The following ADAP1 variants were observed in gnomAD, a reference collection of about 807,000 sequenced individuals.
The protein encoded by ADAP1 is arf-GAP with dual PH domain-containing protein 1.
A neutral mutation model predicts 54.9 loss-of-function variants in ADAP1; 31 were observed. The observed-to-expected ratio is 0.56, with a 90% CI of 0.42 to 0.76. The LOEUF is 0.76. Among genes scored for constraint, ADAP1 ranks in the 30% least tolerant of loss-of-function variants. The pLI is 0.00. For synonymous variants in ADAP1, 313 were observed against 202.6 expected, an observed-to-expected ratio of 1.55 and a Z score of -4.63; for missense variants, 535 against 512.4, an observed-to-expected ratio of 1.04 and a Z score of -0.42.
chr7:951,908 C>G (rs1390787063), intron 1 of ADAP1, among the ~76,000 whole-genome samples: 4 of 152,182 alleles, frequency 2.6e-5, no homozygotes, highest in Non-Finnish European at 4.4e-5. Flanking sequence ...CTCAAGCGAT[C>G]CTCCGGCCTC....
At chr7:909,156 G>C (rs912269971) in intron 4 of ADAP1, among the ~76,000 whole-genome samples, 2 of 143,972 alleles carry the variant, frequency 1.4e-5, no homozygotes, top group African/African-American at 5.1e-5. Context: ...CGGGAACCCC[G>C]GTCCTCCCGA....
At chr7:922,713 C>T (rs79910857) in intron 3 of ADAP1, among the ~76,000 whole-genome samples, 2,142 of 152,218 alleles carry the variant, frequency 0.014, 50 homozygotes, top group African/African-American at 0.049. Context: ...CCAGGGCCCC[C>T]GGCTTTGCTT....
rs1033538304 is a variant in ADAP1 at position 898,725 on chromosome 7, A to G, written c.*196T>C. ...CATGACGGGGTTAGAGATCAGGCCCAGGGCCTGGGCTGCCTGCCTTGAGGT... is the reference window on the plus strand; with the variant it reads ...CATGACGGGGTTAGAGATCAGGCCCGGGGCCTGGGCTGCCTGCCTTGAGGT... On this transcript the variant is annotated 3_prime_UTR_variant, in exon 11 of 11. Transcript: ENST00000265846. 38 of 682,932 alleles carry G rather than the reference A, an allele frequency of 5.6e-5. No individual in the cohort carries two copies. Among genetic ancestry groups the G allele is most frequent in the Non-Finnish European group, 8.7e-5 (35 of 402,280 alleles). 42.3% of individuals were successfully genotyped at this position (682,932 alleles called of 1,614,324 possible).
chr7:906,737 CAGAGTACATAG>C lies in ADAP1; in HGVS notation c.389-1576_389-1566del, dbSNP rs1845445948. On this transcript the variant is annotated intron_variant, in intron 4 of 10. Coordinates refer to ENST00000265846, the MANE Select transcript of ADAP1 (RefSeq NM_006869.4). ...GACATCGGGGACGGGACATGGGGGA[CAGAGTACATAG>C]GGGACATGGACAGGGGACATGGGGG... Among the ~76,000 whole-genome samples the C allele has an allele frequency of 4.0e-4, 15 of 37,324 alleles. 1 individual carries two copies. Among genetic ancestry groups the C allele is most frequent in the East Asian group, 2.4e-3 (2 of 832 alleles). The allele number at this position is 37,324 out of a possible 152,430, so 24.5% of individuals were successfully genotyped here.
chr7:919,524 G>A (rs1846076371), intron 4 of ADAP1, among the ~76,000 whole-genome samples: 1 of 147,512 alleles, frequency 6.8e-6, no homozygotes, highest in South Asian at 2.2e-4. Flanking sequence ...CCACACGAGA[G>A]GGAGGGAGGG....
intron 6 of ADAP1, among the ~76,000 whole-genome samples, chr7:902,572 G>C (rs1244660363): frequency 6.6e-6 from 1 of 151,626 alleles, no homozygotes; most frequent in African/African-American, 2.4e-5. Context: ...CACAGTGTTG[G>C]AGACAAAGTT....
At position 900,514 on chromosome 7, in the gene ADAP1, C is replaced by T; in HGVS notation, c.732+19G>A. On this transcript the variant is annotated intron_variant, in intron 7 of 10. Coordinates refer to ENST00000265846, the MANE Select transcript of ADAP1 (RefSeq NM_006869.4). ...CCACCCCTGTCTGCCCTGGAGCTGA[C>T]CGCAGGGCCGCCACTCACATCTGCG... 6.3e-7 allele frequency: 1 copy of T among 1,582,148 alleles called. No homozygotes were observed. The highest frequency in any genetic ancestry group is 8.6e-7 in the Non-Finnish European group (1 of 1,161,480).
At position 914,672 on chromosome 7, in the gene ADAP1, C is replaced by G. The variant is rs545658966; in HGVS notation, c.388+5296G>C. Among the ~76,000 whole-genome samples, 5 of 152,280 alleles carry G rather than the reference C, an allele frequency of 3.3e-5. No homozygotes were observed. The South Asian group carries it at 8.3e-4, about 25-fold the overall frequency. On this transcript the variant is annotated intron_variant, in intron 4 of 10. Transcript: ENST00000265846. ...GGGCAGAACCTAGGGTTCCAAATAG[C>G]AGCGGGCAGCTAGGTCTGTGGGAGA...
intron 3 of ADAP1, among the ~76,000 whole-genome samples, chr7:925,235 G>A (rs955129686): frequency 4.6e-5 from 7 of 151,824 alleles, no homozygotes; most frequent in Admixed American, 2.0e-4. Context: ...CCTGCTCCCC[G>A]AAGACCCCGG....
At chr7:940,449 C>CA (rs1269433549) in intron 1 of ADAP1, among the ~76,000 whole-genome samples, 1 of 151,760 alleles carries the variant, frequency 6.6e-6, no homozygotes, top group Non-Finnish European at 1.5e-5. Flanking sequence ...GAGACAGGAG[C>CA]AACACAAGGT....
intron 6 of ADAP1, among the ~76,000 whole-genome samples, chr7:901,564 G>A (rs1324482932): frequency 6.6e-6 from 1 of 152,140 alleles, no homozygotes; most frequent in Non-Finnish European, 1.5e-5. Flanking sequence ...GCTGGAGGAT[G>A]GTGTAGCCCC....
intron 8 of ADAP1, 150 bp from the exon 9 acceptor site, chr7:899,640 G>A: frequency 1.2e-6 from 1 of 848,506 alleles, no homozygotes. Context: ...CGCCCCACGA[G>A]GCCTCCGCAC....
At chr7:931,213 G>A (rs778595520) in intron 2 of ADAP1, among the ~76,000 whole-genome samples, 2 of 152,118 alleles carry the variant, frequency 1.3e-5, no homozygotes, top group South Asian at 2.1e-4. Context: ...GGGTGGGGAC[G>A]GTGCTCAAAG....
At chr7:900,748 G>A (rs536907884) in intron 6 of ADAP1, 132 bp from the exon 7 acceptor site, 5 of 766,866 alleles carry the variant, frequency 6.5e-6, no homozygotes, top group African/African-American at 3.6e-5. Flanking sequence ...CGGCACCTCA[G>A]CTCCCAGCAG....
At chr7:940,959 T>C (rs1157656821) in intron 1 of ADAP1, among the ~76,000 whole-genome samples, 2 of 151,566 alleles carry the variant, frequency 1.3e-5, no homozygotes, top group Admixed American at 6.6e-5. Context: ...AGAGGGGAAT[T>C]TCCCCAATTT....
At chr7:950,010 C>T (rs374940326) in intron 1 of ADAP1, among the ~76,000 whole-genome samples, 9 of 152,374 alleles carry the variant, frequency 5.9e-5, no homozygotes, top group South Asian at 2.1e-4. Context: ...TCACACAGCA[C>T]GATTCACAAT....
In ADAP1 at chr7:899,178, C is replaced by T; in HGVS notation, c.951G>A (p.Gln317=). 1 of 1,612,266 alleles carries T rather than the reference C, an allele frequency of 6.2e-7. No individual in the cohort carries two copies. The highest frequency in any genetic ancestry group is 8.5e-7 in the Non-Finnish European group (1 of 1,179,966). The change falls in exon 10 of 11, where the codon CAG becomes CAA. Residue 317 remains glutamine, a synonymous_variant. Transcript: ENST00000265846. Reference sequence around the variant, plus strand: ...TGATGCCATGTGGCCAGTGGTGGCCCTGGGTGGACGGCGGGAACCCATGCA... The same window carrying T: ...TGATGCCATGTGGCCAGTGGTGGCCTTGGGTGGACGGCGGGAACCCATGCA... ...TVLHGFPPST[Q]GHHWPHGITI...
intron 4 of ADAP1, among the ~76,000 whole-genome samples, chr7:910,067 G>A (rs1845659143): frequency 6.6e-6 from 1 of 151,918 alleles, no homozygotes; most frequent in South Asian, 2.1e-4. Context: ...CCAAACCAGT[G>A]TGCACACACA....
At chr7:906,707 G>GAGAA (rs1562915332) in intron 4 of ADAP1, among the ~76,000 whole-genome samples, 2 of 31,372 alleles carry the variant, frequency 6.4e-5, no homozygotes, top group African/African-American at 2.3e-4. Context: ...GGACATGGGG[G>GAGAA]ACGGGACATC....
Sources: allele counts gnomAD v4.1 joint callset (sites outside exome capture counted in the v4.1 genomes callset), GRCh38; gene constraint gnomAD v4.1.1; transcripts MANE v1.5; gene names NCBI Gene and HGNC (gene_info 2026-07-23, HGNC 2026-07-21).